HAPSTR1: variants seen among roughly 807,000 people sequenced by gnomAD.
HAPSTR1 encodes the protein HUWE1 associated protein modifying stress responses.
the HAPSTR1 span, chr16:9,103,220 A>G: frequency 6.2e-7 from 1 of 1,614,126 alleles, no homozygotes. Flanking sequence ...ATCTGTAGAG[A>G]CTGATTTGCA....
chr16:9,102,836 C>A, the HAPSTR1 span: 1 of 763,612 alleles, frequency 1.3e-6, no homozygotes, highest in Non-Finnish European at 2.1e-6. Context: ...TTCATTATGA[C>A]TGAAATCATT....
chr16:9,116,790 A>G, the HAPSTR1 span: 2 of 1,614,210 alleles, frequency 1.2e-6, no homozygotes, highest in Non-Finnish European at 1.7e-6. Context: ...CGATTTGAAC[A>G]CTTTCATATC....
At chr16:9,093,868 G>T in the HAPSTR1 span, among the ~76,000 whole-genome samples, 1 of 150,774 alleles carries the variant, frequency 6.6e-6, no homozygotes, top group African/African-American at 2.4e-5. Flanking sequence ...AGATTTTTAT[G>T]GAAAAAGGAT....
chr16:9,101,283 T>A, the HAPSTR1 span, among the ~76,000 whole-genome samples: 1 of 152,236 alleles, frequency 6.6e-6, no homozygotes. Flanking sequence ...TTATTTACAT[T>A]CAAAATGGAG....
the HAPSTR1 span, among the ~76,000 whole-genome samples, chr16:9,098,063 G>C: frequency 1.3e-5 from 2 of 152,248 alleles, no homozygotes; most frequent in East Asian, 1.9e-4. Flanking sequence ...TGGGGCGGGG[G>C]CTCACGCCTG....
At chr16:9,101,137 C>T in the HAPSTR1 span, among the ~76,000 whole-genome samples, 3 of 152,172 alleles carry the variant, frequency 2.0e-5, no homozygotes, top group African/African-American at 7.2e-5. Flanking sequence ...TCTCTTAATG[C>T]CTCCAGCTCT....
the HAPSTR1 span, chr16:9,110,225 A>T: frequency 6.8e-6 from 1 of 147,578 alleles, no homozygotes. Flanking sequence ...TATTCTCTTA[A>T]ATCATTAAGT....
the HAPSTR1 span, chr16:9,106,808 A>T: frequency 6.6e-6 from 1 of 152,048 alleles, no homozygotes; most frequent in African/African-American, 2.4e-5. Flanking sequence ...ATGTTATAAA[A>T]TAACATTATT....
At chr16:9,094,411 ATACT>A in the HAPSTR1 span, among the ~76,000 whole-genome samples, 4 of 152,208 alleles carry the variant, frequency 2.6e-5, no homozygotes, top group South Asian at 2.1e-4. Flanking sequence ...TTTTGAAATA[ATACT>A]TAATTAAAAA....
At chr16:9,100,431 TA>T in the HAPSTR1 span, among the ~76,000 whole-genome samples, 298 of 152,078 alleles carry the variant, frequency 2.0e-3, no homozygotes, top group South Asian at 3.3e-3. Flanking sequence ...TTTTTTTTTT[TA>T]AACACCTCAC....
chr16:9,099,498 A>G, the HAPSTR1 span, among the ~76,000 whole-genome samples: 4 of 152,300 alleles, frequency 2.6e-5, no homozygotes, highest in East Asian at 7.7e-4. Flanking sequence ...ATGCCCGCCC[A>G]GTTCCTTTTT....
At chr16:9,096,339 T>G in the HAPSTR1 span, among the ~76,000 whole-genome samples, 3 of 152,212 alleles carry the variant, frequency 2.0e-5, no homozygotes, top group African/African-American at 7.2e-5. Flanking sequence ...ATTTTCTGTC[T>G]TTTTAAAAAT....
chr16:9,120,685 T>G, the HAPSTR1 span: 2 of 145,454 alleles, frequency 1.4e-5, no homozygotes, highest in African/African-American at 5.2e-5. Context: ...TTTTTTTTTT[T>G]TTTTTTTTTT....
At chr16:9,099,900 T>C in the HAPSTR1 span, among the ~76,000 whole-genome samples, 144 of 152,340 alleles carry the variant, frequency 9.5e-4, no homozygotes, top group Middle Eastern at 3.4e-3. Flanking sequence ...CAGGTAACTA[T>C]TTAAAAAGGA....
chr16:9,112,328 G>T, the HAPSTR1 span: 3 of 152,176 alleles, frequency 2.0e-5, no homozygotes, highest in South Asian at 2.1e-4. Flanking sequence ...TAGGGCCCCC[G>T]GTCAGGATAT....
the HAPSTR1 span, chr16:9,117,648 A>C: frequency 6.6e-6 from 1 of 152,644 alleles, no homozygotes; most frequent in Non-Finnish European, 1.5e-5. Context: ...TTTTAAGACA[A>C]ACACTACTTC....
the HAPSTR1 span, chr16:9,103,844 C>G: frequency 6.6e-6 from 1 of 152,652 alleles, no homozygotes; most frequent in African/African-American, 2.4e-5. Context: ...CCAGGCCAGA[C>G]CTGTCATAAG....
At chr16:9,092,687 C>G in the HAPSTR1 span, among the ~76,000 whole-genome samples, 3 of 152,150 alleles carry the variant, frequency 2.0e-5, no homozygotes, top group Non-Finnish European at 4.4e-5. Flanking sequence ...CGGCTCGTCC[C>G]TGATCTGTGC....
the HAPSTR1 span, among the ~76,000 whole-genome samples, chr16:9,102,737 A>G: frequency 6.6e-6 from 1 of 152,078 alleles, no homozygotes; most frequent in Non-Finnish European, 1.5e-5. Flanking sequence ...GTTTCTGTTA[A>G]ATTTTTTTTT....
Sources: allele counts gnomAD v4.1 joint callset (sites outside exome capture counted in the v4.1 genomes callset), GRCh38; gene constraint gnomAD v4.1.1; transcripts MANE v1.5; gene names NCBI Gene and HGNC (gene_info 2026-07-23, HGNC 2026-07-21).